NSUN6: variants seen among roughly 807,000 people sequenced by gnomAD.
The protein encoded by NSUN6 is tRNA (cytosine(72)-C(5))-methyltransferase NSUN6.
NSUN6 carries 64 observed loss-of-function variants against 58.0 expected under a neutral mutation model. The ratio of observed to expected loss-of-function variants is 1.10; its 90% CI spans 0.90 to 1.36. NSUN6 has a LOEUF of 1.36. Ranked by LOEUF, NSUN6 falls within the 40% of genes most tolerant of loss-of-function variation. NSUN6 has a pLI of 0.00. For missense variants in NSUN6, 701 were observed against 550.1 expected (o/e 1.27, Z -2.74); for synonymous variants, 231 against 193.9 (o/e 1.19, Z -1.59).
chr10:18,656,416 A>G (rs1052748732), upstream of NSUN6, among the ~76,000 whole-genome samples: 2 of 152,244 alleles, frequency 1.3e-5, no homozygotes, highest in Non-Finnish European at 2.9e-5. Flanking sequence ...GCATGCCTGT[A>G]ATCCCAGCTA....
At chr10:18,597,481 G>T (rs757366132) in intron 6 of NSUN6, among the ~76,000 whole-genome samples, 11 of 152,188 alleles carry the variant, frequency 7.2e-5, no homozygotes, top group Non-Finnish European at 1.0e-4. Flanking sequence ...CTCAAGAACT[G>T]TGAGATGGCC....
intron 8 of NSUN6, among the ~76,000 whole-genome samples, chr10:18,554,075 C>G (rs2133431725): frequency 6.9e-6 from 1 of 144,854 alleles, no homozygotes; most frequent in East Asian, 2.1e-4. Flanking sequence ...GAATAGAATG[C>G]AATGGAATGG....
At position 18,596,223 on chromosome 10, in the gene NSUN6, T is replaced by C; in HGVS notation, c.762A>G (p.Ala254=). 1.2e-6 allele frequency: 2 copies of C among 1,611,832 alleles called. No individual in the cohort carries two copies. Among genetic ancestry groups the C allele is most frequent in the Non-Finnish European group, 1.7e-6 (2 of 1,177,878 alleles). Residue 254 remains alanine (A), a synonymous_variant, in exon 7 of 11, where the codon GCA becomes GCG. Coordinates refer to ENST00000377304, the MANE Select transcript of NSUN6 (RefSeq NM_182543.5). ...ACAGTCTCACCTGATCATGCATTAG[T>C]GCTGCAATGTGTGTTGTTTTCCCTC... ...APGGKTTHIA[A]LMHDQGEVIA... is the part of the protein sequence containing the mutation.
intron 3 of NSUN6, among the ~76,000 whole-genome samples, chr10:18,631,511 T>A (rs2059030118): frequency 7.8e-6 from 1 of 127,792 alleles, no homozygotes. Context: ...AACCCCATTG[T>A]CTCAGCCCAA....
At chr10:18,548,564 C>G (rs1268002919) in intron 9 of NSUN6, among the ~76,000 whole-genome samples, 1 of 152,094 alleles carries the variant, frequency 6.6e-6, no homozygotes, top group Non-Finnish European at 1.5e-5. Context: ...TTGTTAAATT[C>G]CCTACTTAAA....
chr10:18,557,127 AGAATG>A (rs1252450558), intron 8 of NSUN6, among the ~76,000 whole-genome samples: 3 of 151,208 alleles, frequency 2.0e-5, no homozygotes, highest in Non-Finnish European at 3.0e-5. Flanking sequence ...TGGAAAGTAG[AGAATG>A]GAATGGAATG....
intron 3 of NSUN6, among the ~76,000 whole-genome samples, chr10:18,627,800 T>C (rs1363421909): frequency 6.6e-6 from 1 of 152,112 alleles, no homozygotes; most frequent in East Asian, 1.9e-4. Flanking sequence ...CAGTCTGAGA[T>C]CAAACTGTAA....
chr10:18,576,358 AC>A (rs1323933642), intron 8 of NSUN6, among the ~76,000 whole-genome samples: 2 of 152,030 alleles, frequency 1.3e-5, no homozygotes, highest in Non-Finnish European at 2.9e-5. Context: ...GTGAATTGGG[AC>A]CATTTAATCC....
intron 3 of NSUN6, among the ~76,000 whole-genome samples, chr10:18,630,696 C>G (rs2058998361): frequency 6.6e-6 from 1 of 152,136 alleles, no homozygotes; most frequent in Admixed American, 6.6e-5. Context: ...TATCCCAAGA[C>G]TAAACCAGGA....
intron 6 of NSUN6, among the ~76,000 whole-genome samples, chr10:18,600,944 ATATATATATATATATACATATAT>A (rs2057792122): frequency 1.5e-5 from 1 of 68,824 alleles, no homozygotes; most frequent in African/African-American, 5.1e-5. Flanking sequence ...AAAAAAAAAT[ATATATATATATATATACATATAT>A]ATATATATAT....
chr10:18,588,366 C>T (rs907038618), intron 7 of NSUN6, among the ~76,000 whole-genome samples: 9 of 152,164 alleles, frequency 5.9e-5, no homozygotes, highest in South Asian at 2.1e-4. Context: ...TTCCAGCCTG[C>T]GGGCTCTGAA....
intron 2 of NSUN6, among the ~76,000 whole-genome samples, chr10:18,644,708 C>T (rs1208736728): frequency 1.3e-5 from 2 of 151,378 alleles, no homozygotes; most frequent in African/African-American, 4.9e-5. Flanking sequence ...GGTGTGGTGG[C>T]GGGCGCCTGT....
intron 8 of NSUN6, among the ~76,000 whole-genome samples, chr10:18,583,191 C>G (rs145316532): frequency 6.0e-4 from 92 of 152,300 alleles, no homozygotes; most frequent in Middle Eastern, 3.4e-3. Flanking sequence ...GACAATAAGT[C>G]TTAGGATCTC....
chr10:18,616,444 G>C (rs1350276839), intron 3 of NSUN6, 151 bp from the exon 4 acceptor site: 1 of 497,548 alleles, frequency 2.0e-6, no homozygotes, highest in Admixed American at 3.7e-5. Flanking sequence ...ACATATAGAG[G>C]AAACAGGAAA....
intron 8 of NSUN6, among the ~76,000 whole-genome samples, chr10:18,576,321 T>C (rs1293377018): frequency 1.3e-5 from 2 of 152,094 alleles, no homozygotes; most frequent in Non-Finnish European, 2.9e-5. Context: ...CCTCTGTCCC[T>C]CCTGGCTCTC....
At chr10:18,643,817 GA>G (rs1403227524) in intron 2 of NSUN6, among the ~76,000 whole-genome samples, 2 of 152,052 alleles carry the variant, frequency 1.3e-5, no homozygotes, top group Non-Finnish European at 2.9e-5. Flanking sequence ...TTAGACTATA[GA>G]AATATCTTAT....
chr10:18,629,143 C>T (rs188178071), intron 3 of NSUN6, among the ~76,000 whole-genome samples: 1 of 152,254 alleles, frequency 6.6e-6, no homozygotes, highest in African/African-American at 2.4e-5. Flanking sequence ...AATTTCATAT[C>T]CACCCAAACT....
intron 8 of NSUN6, among the ~76,000 whole-genome samples, chr10:18,578,385 C>T (rs1337514361): frequency 2.6e-5 from 4 of 152,072 alleles, no homozygotes; most frequent in Admixed American, 6.6e-5. Context: ...AGGCACATGC[C>T]ACCACACTCA....
chr10:18,620,713 C>T (rs1469400188), intron 3 of NSUN6, among the ~76,000 whole-genome samples: 1 of 152,180 alleles, frequency 6.6e-6, no homozygotes, highest in Non-Finnish European at 1.5e-5. Context: ...GTACTCAGTC[C>T]TTCCTATTCT....
Sources: allele counts gnomAD v4.1 joint callset (sites outside exome capture counted in the v4.1 genomes callset), GRCh38; gene constraint gnomAD v4.1.1; transcripts MANE v1.5; gene names NCBI Gene and HGNC (gene_info 2026-07-23, HGNC 2026-07-21).